ASB5: variants seen among roughly 807,000 people sequenced by gnomAD.
ASB5 encodes ankyrin repeat and SOCS box protein 5.
A neutral mutation model predicts 42.1 loss-of-function variants in ASB5; 45 were observed. The observed-to-expected ratio is 1.07, with a 90% CI of 0.84 to 1.37. ASB5 has a LOEUF of 1.37. ASB5 is among the 40% of genes most tolerant of loss of function. The pLI is 0.00. For missense variants in ASB5, 402 were observed against 399.8 expected (o/e 1.01, Z -0.05); for synonymous variants, 147 against 150.6 (o/e 0.98, Z 0.18).
At chr4:176,235,311 T>C (rs917871171) in intron 1 of ASB5, among the ~76,000 whole-genome samples, 1 of 152,202 alleles carries the variant, frequency 6.6e-6, no homozygotes, top group African/African-American at 2.4e-5. Flanking sequence ...AAATTTGACA[T>C]ACACAAGAAA....
At chr4:176,275,273 C>T (rs1318512323) in intron 2 of ASB5, among the ~76,000 whole-genome samples, 3 of 152,024 alleles carry the variant, frequency 2.0e-5, no homozygotes, top group Non-Finnish European at 4.4e-5. Flanking sequence ...ATGATCATTT[C>T]TTGAGGTAAA....
At chr4:176,218,019 A>G (rs541240292) in intron 5 of ASB5, among the ~76,000 whole-genome samples, 1 of 151,156 alleles carries the variant, frequency 6.6e-6, no homozygotes, top group African/African-American at 2.4e-5. Context: ...ATATTCCATA[A>G]CAAAATTTCC....
chr4:176,262,642 C>G (rs1754285753), intron 1 of ASB5, among the ~76,000 whole-genome samples: 1 of 152,174 alleles, frequency 6.6e-6, no homozygotes. Flanking sequence ...ACTTGCCTAT[C>G]CATCTTTCTT....
In ASB5 at chr4:176,221,455, C is replaced by A; in HGVS notation, c.530G>T (p.Ser177Ile). The stretch of plus-strand genomic sequence containing the variant: ...TAATCCCAGAACTAAGTTACCTTTA[C>A]TGGCGGCCTCATGCGTTGGGGATGG... Reference protein sequence around the residue: ...CLPSPTHEAASKGHHECLDIL... With the variant: ...CLPSPTHEAAIKGHHECLDIL... The change falls in exon 4 of 7, where the codon AGT (serine) becomes ATT (isoleucine). Residue 177 changes from serine to isoleucine, a missense_variant. Coordinates refer to ENST00000296525, the MANE Select transcript of ASB5 (RefSeq NM_080874.4). 6.2e-7 allele frequency: 1 copy of A among 1,612,678 alleles called. No homozygotes were observed.
At chr4:176,244,957 T>G (rs1008472053) in intron 1 of ASB5, among the ~76,000 whole-genome samples, 1 of 151,470 alleles carries the variant, frequency 6.6e-6, no homozygotes, top group Non-Finnish European at 1.5e-5. Flanking sequence ...AGATCCTATC[T>G]CAACAACAAC....
At chr4:176,244,326 C>T (rs1421695485) in intron 1 of ASB5, among the ~76,000 whole-genome samples, 1 of 152,146 alleles carries the variant, frequency 6.6e-6, no homozygotes, top group African/African-American at 2.4e-5. Context: ...CTTCATACAC[C>T]AAAGCACAAA....
At chr4:176,235,676 A>G (rs1482055618) in intron 1 of ASB5, among the ~76,000 whole-genome samples, 1 of 152,144 alleles carries the variant, frequency 6.6e-6, no homozygotes, top group Non-Finnish European at 1.5e-5. Flanking sequence ...GTAAATTCCT[A>G]AAATTTTGAC....
intron 2 of ASB5, among the ~76,000 whole-genome samples, chr4:176,224,722 G>A (rs1579314054): frequency 2.0e-5 from 3 of 152,038 alleles, no homozygotes; most frequent in African/African-American, 7.2e-5. Flanking sequence ...AAATACCCAA[G>A]CCAAAGTGTT....
Position 176,213,740 on chromosome 4 carries a change from C to T in ASB5, c.*1860G>A, listed in dbSNP as rs1358643395. 6.6e-6 allele frequency: 1 copy of T among 151,890 alleles called. No individual in the cohort carries two copies. The highest frequency in any genetic ancestry group is 1.5e-5 in the Non-Finnish European group (1 of 67,916). The allele number at this position is 151,890 out of a possible 1,614,324, so 9.4% of individuals were successfully genotyped here. A position where few individuals can be genotyped will look rare whatever the true frequency, so the allele number is the denominator to read the frequency against. On this transcript the variant is annotated 3_prime_UTR_variant, in exon 7 of 7. Transcript: ENST00000296525. ...AACATACAATACATTAAAGTTAGAA[C>T]ACTACTTTGATAAGACAATCATACT...
intron 1 of ASB5, among the ~76,000 whole-genome samples, chr4:176,257,282 G>A (rs1371465928): frequency 5.3e-5 from 8 of 152,174 alleles, no homozygotes; most frequent in African/African-American, 1.9e-4. Flanking sequence ...TTCTTTCAGA[G>A]CAACCCAGGC....
At chr4:176,234,211 C>T (rs757305611) in intron 1 of ASB5, among the ~76,000 whole-genome samples, 2 of 152,154 alleles carry the variant, frequency 1.3e-5, no homozygotes, top group Admixed American at 1.3e-4. Flanking sequence ...CCATGGCTTC[C>T]CTTCACACCT....
At chr4:176,219,575 GATATATAT>G (rs71597433) in intron 5 of ASB5, among the ~76,000 whole-genome samples, 137 of 6,000 alleles carry the variant, frequency 0.023, 16 homozygotes, top group Non-Finnish European at 0.034. Context: ...ATATTTGTAT[GATATATAT>G]ATATATATAT....
intron 6 of ASB5, among the ~76,000 whole-genome samples, 165 bp from the exon 7 acceptor site, chr4:176,215,892 T>C (rs1301491387): frequency 1.1e-4 from 16 of 152,164 alleles, no homozygotes; most frequent in Non-Finnish European, 2.2e-4. Flanking sequence ...ATTGCTTTTA[T>C]TTATAAGATC....
chr4:176,215,746 C>A lies in ASB5; in HGVS notation c.863-19G>T. The A allele has an allele frequency of 6.3e-7, 1 of 1,593,388 alleles. No individual in the cohort carries two copies. Among genetic ancestry groups the A allele is most frequent in the South Asian group, 1.1e-5 (1 of 87,682 alleles). ...GGGGTAGCTACAAGAAGACATGAATCTATTTGTTAATTAAAATAGAAATGA... is the reference window on the plus strand; with the variant it reads ...GGGGTAGCTACAAGAAGACATGAATATATTTGTTAATTAAAATAGAAATGA... On this transcript the variant is annotated intron_variant, in intron 6 of 6. Transcript: ENST00000296525.
At chr4:176,263,765 C>T (rs1754306603) in intron 1 of ASB5, among the ~76,000 whole-genome samples, 1 of 152,106 alleles carries the variant, frequency 6.6e-6, no homozygotes, top group African/African-American at 2.4e-5. Context: ...ACCAGCAGCA[C>T]CAAAAGTCAC....
At position 176,255,150 on chromosome 4, in the gene ASB5, C is replaced by A. The variant is rs28868120; in HGVS notation, c.196+13763G>T. ...ATCTTCAAAGAAACAAACAAACAAACAAAAAACCACAATGAGATACCATCT... is the reference window on the plus strand; with the variant it reads ...ATCTTCAAAGAAACAAACAAACAAAAAAAAAACCACAATGAGATACCATCT... On this transcript the variant is annotated intron_variant, in intron 1 of 6. Transcript: ENST00000296525. Among the ~76,000 whole-genome samples the A allele has an allele frequency of 7.3e-3, 1,115 of 152,042 alleles. 14 individuals are homozygous for A. The highest frequency in any genetic ancestry group is 0.026 in the African/African-American group (1,064 of 41,486).
intron 1 of ASB5, among the ~76,000 whole-genome samples, chr4:176,227,436 T>G (rs1208260661): frequency 6.6e-6 from 1 of 152,218 alleles, no homozygotes; most frequent in Non-Finnish European, 1.5e-5. Context: ...TTCTGCCCTC[T>G]GCACCAGGCT....
At chr4:176,241,585 C>A in intron 1 of ASB5, 2 of 1,460,378 alleles carry the variant, frequency 1.4e-6, no homozygotes, top group East Asian at 2.6e-5. Flanking sequence ...CTTTAGGAGT[C>A]ATATCTGAGC....
chr4:176,254,946 A>G (rs1313416995), intron 1 of ASB5, among the ~76,000 whole-genome samples: 1 of 152,194 alleles, frequency 6.6e-6, no homozygotes, highest in Non-Finnish European at 1.5e-5. Context: ...CCTGACCAAC[A>G]TGGTGAAACC....
Sources: gnomAD v4.1 joint callset for allele counts (sites outside exome capture counted in the v4.1 genomes callset) on GRCh38, gnomAD v4.1.1 for gene constraint, MANE v1.5 for transcripts, NCBI Gene and HGNC (gene_info 2026-07-23, HGNC 2026-07-21) for gene names.